Variants in CPNE4 observed in about 807,000 individuals in gnomAD.
CPNE4 encodes the protein copine 4.
A neutral mutation model predicts 67.9 loss-of-function variants in CPNE4; 25 were observed. The ratio of observed to expected loss-of-function variants is 0.37; its 90% confidence interval spans 0.27 to 0.51. CPNE4 has a LOEUF of 0.51. Among genes scored for constraint, CPNE4 ranks in the 20% least tolerant of loss-of-function variants. CPNE4 has a pLI of 0.93. For synonymous variants in CPNE4, 242 were observed against 244.9 expected (o/e 0.99, Z 0.11); for missense variants, 464 against 690.8 (o/e 0.67, Z 3.68).
chr3:131,880,674 A>G (rs1583394805), intron 2 of CPNE4, among the ~76,000 whole-genome samples: 1 of 152,224 alleles, frequency 6.6e-6, no homozygotes, highest in African/African-American at 2.4e-5. Context: ...TATTCAAAAG[A>G]GCTCCTGGGA....
rs141716413 is a variant in CPNE4 at position 131,620,347 on chromosome 3, G to A, written c.682-32765C>T. ...CTTGGAGCAAGAAGTGATGTTAAGT[G>A]TTTAAAGGTTTTAAATTGACAAACT... On this transcript the variant is annotated intron_variant, in intron 7 of 15. Coordinates refer to ENST00000429747, the MANE Select transcript of CPNE4 (RefSeq NM_130808.3). 2,244 of 416,406 alleles carry A rather than the reference G, an allele frequency of 5.4e-3. 11 individuals carry two copies. Among genetic ancestry groups the A allele is most frequent in the Middle Eastern group, 0.033 (29 of 874 alleles). 25.8% of individuals were successfully genotyped at this position (416,406 alleles called of 1,614,324 possible).
intron 1 of CPNE4, among the ~76,000 whole-genome samples, chr3:132,005,352 C>T (rs879696150): frequency 0.53 from 31,793 of 60,510 alleles, 6,853 homozygotes; most frequent in South Asian, 0.61. Flanking sequence ...TACACACACA[C>T]ACACACACAC....
chr3:131,882,154 AC>A (rs2087696683), intron 2 of CPNE4, among the ~76,000 whole-genome samples: 1 of 152,110 alleles, frequency 6.6e-6, no homozygotes, highest in African/African-American at 2.4e-5. Flanking sequence ...ACACACACAC[AC>A]ACACACAACC....
At chr3:131,615,921 A>ACG (rs983617232) in intron 7 of CPNE4, among the ~76,000 whole-genome samples, 2 of 89,514 alleles carry the variant, frequency 2.2e-5, no homozygotes, top group African/African-American at 2.3e-4. Flanking sequence ...ACACACACAC[A>ACG]CACACACGCA....
intron 2 of CPNE4, among the ~76,000 whole-genome samples, chr3:131,770,829 C>T (rs749941413): frequency 9.2e-5 from 14 of 152,184 alleles, no homozygotes; most frequent in Admixed American, 3.3e-4. Flanking sequence ...AATGTCATGA[C>T]TTGGATCCCT....
intron 1 of CPNE4, among the ~76,000 whole-genome samples, chr3:132,000,667 G>A (rs907114286): frequency 1.3e-5 from 2 of 151,736 alleles, no homozygotes; most frequent in Non-Finnish European, 2.9e-5. Flanking sequence ...AGGAATTAGA[G>A]AGCTGACAAT....
intron 2 of CPNE4, among the ~76,000 whole-genome samples, chr3:131,868,022 A>G (rs2087030989): frequency 6.6e-6 from 1 of 152,220 alleles, no homozygotes; most frequent in Non-Finnish European, 1.5e-5. Flanking sequence ...CATAAAATAT[A>G]GTAGTAATGA....
At chr3:131,952,460 C>T (rs1028830831) in intron 1 of CPNE4, among the ~76,000 whole-genome samples, 33 of 96,558 alleles carry the variant, frequency 3.4e-4, no homozygotes, top group African/African-American at 7.0e-4. Context: ...CCACCCCGTC[C>T]GGGAGGGAGG....
chr3:132,032,019 A>C (rs2074246636), intron 1 of CPNE4, among the ~76,000 whole-genome samples: 1 of 152,244 alleles, frequency 6.6e-6, no homozygotes, highest in African/African-American at 2.4e-5. Context: ...AAGCAGATTA[A>C]GTATACTTTA....
intron 2 of CPNE4, among the ~76,000 whole-genome samples, chr3:131,887,149 T>G (rs2087924755): frequency 6.6e-6 from 1 of 152,172 alleles, no homozygotes; most frequent in African/African-American, 2.4e-5. Flanking sequence ...GGGAGATAAT[T>G]AAATCATGGG....
Position 132,005,267 on chromosome 3 carries a change from C to G in CPNE4, c.-2+29300G>C, listed in dbSNP as rs920849887. ...GTCAAGTTAGCATGACCTATCCTAT[C>G]CTAATAGTCACCAAAAAACAACAAA... On this transcript the variant is annotated intron_variant, in intron 1 of 15. Transcript: ENST00000429747. Among the ~76,000 whole-genome samples the G allele has an allele frequency of 2.1e-5, 3 of 143,116 alleles. No homozygotes were observed. In the East Asian group the frequency reaches 6.0e-4, roughly 29 times the overall value. The allele number at this position is 143,116 out of a possible 152,430, so 93.9% of individuals were successfully genotyped here.
intron 1 of CPNE4, among the ~76,000 whole-genome samples, chr3:131,912,904 C>T (rs1260294633): frequency 6.6e-6 from 1 of 152,158 alleles, no homozygotes; most frequent in Non-Finnish European, 1.5e-5. Context: ...CTGCGGACTA[C>T]ACCTTGAGTA....
chr3:131,980,246 G>T (rs761406015), intron 1 of CPNE4, among the ~76,000 whole-genome samples: 7 of 152,054 alleles, frequency 4.6e-5, no homozygotes, highest in Non-Finnish European at 1.0e-4. Flanking sequence ...TAGATCTCTA[G>T]CAAGGCCAGG....
At chr3:131,564,150 T>A in intron 11 of CPNE4, 66 bp downstream of exon 11, 1 of 1,593,566 alleles carries the variant, frequency 6.3e-7, no homozygotes, top group African/African-American at 1.3e-5. Context: ...CTGCCCAGGA[T>A]CAGCCAAAGA....
intron 2 of CPNE4, among the ~76,000 whole-genome samples, chr3:131,803,885 T>C (rs2084218740): frequency 6.6e-6 from 1 of 152,214 alleles, no homozygotes; most frequent in African/African-American, 2.4e-5. Context: ...GACTAATCTC[T>C]TACTAAATGA....
At chr3:131,850,599 G>C (rs2086203067) in intron 2 of CPNE4, among the ~76,000 whole-genome samples, 1 of 152,040 alleles carries the variant, frequency 6.6e-6, no homozygotes, top group Non-Finnish European at 1.5e-5. Flanking sequence ...TAGCCATTTA[G>C]GTATGTAACT....
At chr3:131,994,032 T>C (rs957145175) in intron 1 of CPNE4, among the ~76,000 whole-genome samples, 3 of 136,384 alleles carry the variant, frequency 2.2e-5, no homozygotes, top group African/African-American at 7.4e-5. Flanking sequence ...AGCTATGGAA[T>C]GGAAAATTTG....
At chr3:131,946,460 C>T (rs1207691490) in intron 1 of CPNE4, among the ~76,000 whole-genome samples, 1 of 152,092 alleles carries the variant, frequency 6.6e-6, no homozygotes, top group East Asian at 1.9e-4. Context: ...CACCTTTTGG[C>T]TATTGTGAAT....
At chr3:131,813,947 T>C (rs17361548) in intron 2 of CPNE4, among the ~76,000 whole-genome samples, 64,621 of 152,012 alleles carry the variant, frequency 0.43, 13,943 homozygotes, top group East Asian at 0.54. Context: ...GTTCAGAATG[T>C]GTTACCTCTT....
Sources: gnomAD v4.1 joint callset for allele counts (sites outside exome capture counted in the v4.1 genomes callset) on GRCh38, gnomAD v4.1.1 for gene constraint, MANE v1.5 for transcripts, NCBI Gene and HGNC (gene_info 2026-07-23, HGNC 2026-07-21) for gene names.